The following FMNL2 variants were observed in gnomAD, a reference collection of about 807,000 sequenced individuals.
FMNL2 encodes the protein formin-like protein 2.
Under a neutral mutation model 130.2 loss-of-function variants are expected in FMNL2, and 51 were observed. That is an observed-to-expected ratio of 0.39 (90% confidence interval 0.31 to 0.49). The LOEUF (loss-of-function observed/expected upper bound fraction) is 0.49. Among genes scored for constraint, FMNL2 ranks in the 20% least tolerant of loss-of-function variants. The probability of loss-of-function intolerance (pLI) is 0.85; values close to 1 mark genes in which losing one functional copy is unlikely to be tolerated. For missense variants in FMNL2, 977 were observed against 1,316.2 expected, an observed-to-expected ratio of 0.74 and a Z score of 3.99; for synonymous variants, 465 against 467.1, an observed-to-expected ratio of 1.00 and a Z score of 0.06.
At chr2:152,515,349 T>G (rs1692709223) in intron 1 of FMNL2, among the ~76,000 whole-genome samples, 1 of 152,196 alleles carries the variant, frequency 6.6e-6, no homozygotes. Flanking sequence ...GATTTGTTAT[T>G]TGGCAGAGTT....
intron 1 of FMNL2, among the ~76,000 whole-genome samples, chr2:152,490,085 T>C (rs1691060124): frequency 6.6e-6 from 1 of 152,206 alleles, no homozygotes; most frequent in Non-Finnish European, 1.5e-5. Flanking sequence ...GAAAAACAGA[T>C]GCTGCATCTC....
chr2:152,523,028 A>G (rs907659414), intron 2 of FMNL2, among the ~76,000 whole-genome samples: 1 of 152,218 alleles, frequency 6.6e-6, no homozygotes, highest in Non-Finnish European at 1.5e-5. Flanking sequence ...GCACGCAAAT[A>G]TTAATACAAA....
In FMNL2 at chr2:152,629,915, C is replaced by G; in HGVS notation, c.2550+10C>G. 1 of 1,596,768 alleles carries G rather than the reference C, an allele frequency of 6.3e-7. No homozygotes were observed. The highest frequency in any genetic ancestry group is 8.5e-7 in the Non-Finnish European group (1 of 1,171,134). On this transcript the variant is annotated intron_variant, in intron 20 of 25. Coordinates refer to ENST00000288670, the MANE Select transcript of FMNL2 (RefSeq NM_052905.4). The stretch of plus-strand genomic sequence containing the variant: ...TCAGAGTTTAGATCTGGTGAGTGGA[C>G]TAAAAGAAATTTGAGAGCTGTTTGA...
intron 1 of FMNL2, among the ~76,000 whole-genome samples, chr2:152,449,445 C>A (rs1688518292): frequency 6.6e-6 from 1 of 152,078 alleles, no homozygotes; most frequent in African/African-American, 2.4e-5. Context: ...CTGACCTCTC[C>A]CCTTAAAATA....
At chr2:152,614,736 C>G in intron 11 of FMNL2, 115 bp from the exon 12 acceptor site, 2 of 716,276 alleles carry the variant, frequency 2.8e-6, no homozygotes, top group Non-Finnish European at 3.9e-6. Flanking sequence ...GAGTGAAACT[C>G]CATCTCAAAA....
intron 1 of FMNL2, among the ~76,000 whole-genome samples, chr2:152,454,084 G>A (rs933476975): frequency 1.3e-5 from 2 of 152,042 alleles, no homozygotes; most frequent in Non-Finnish European, 2.9e-5. Context: ...GACCAGCCTG[G>A]CCAACATGGT....
intron 2 of FMNL2, among the ~76,000 whole-genome samples, chr2:152,526,842 G>T (rs1296585726): frequency 1.3e-5 from 2 of 151,760 alleles, no homozygotes; most frequent in South Asian, 2.1e-4. Flanking sequence ...AAAAAAATCG[G>T]TATGCACCTT....
intron 1 of FMNL2, among the ~76,000 whole-genome samples, chr2:152,409,392 C>T (rs114085907): frequency 6.6e-6 from 1 of 152,142 alleles, no homozygotes; most frequent in Non-Finnish European, 1.5e-5. Flanking sequence ...ATCATGGTCT[C>T]TGCTGTGGGT....
At chr2:152,611,432 G>A (rs1421957884) in intron 10 of FMNL2, 63 bp from the exon 11 acceptor site, 1 of 817,074 alleles carries the variant, frequency 1.2e-6, no homozygotes, top group Non-Finnish European at 2.0e-6. Flanking sequence ...GAAAGCACAT[G>A]TCTGCAGTTA....
intron 1 of FMNL2, among the ~76,000 whole-genome samples, chr2:152,380,492 A>G (rs918044810): frequency 3.9e-5 from 6 of 152,200 alleles, no homozygotes; most frequent in African/African-American, 7.2e-5. Flanking sequence ...ATGTTTCACA[A>G]TTTTGGCACT....
At chr2:152,533,546 CTTTTTTT>C (rs35382323) in intron 2 of FMNL2, among the ~76,000 whole-genome samples, 3 of 115,322 alleles carry the variant, frequency 2.6e-5, no homozygotes, top group South Asian at 2.9e-4. Flanking sequence ...AATTCTCCAA[CTTTTTTT>C]TTTTTTTTTT....
intron 6 of FMNL2, among the ~76,000 whole-genome samples, chr2:152,572,332 G>T (rs955487187): frequency 6.6e-6 from 1 of 152,002 alleles, no homozygotes. Context: ...CCAACTTTGG[G>T]GCTTAAAAAA....
chr2:152,558,102 A>G lies in FMNL2; in HGVS notation c.360-638A>G, dbSNP rs183314707. Among the ~76,000 whole-genome samples the G allele has an allele frequency of 1.4e-3, 214 of 152,348 alleles. 2 individuals are homozygous for G. Among genetic ancestry groups the G allele is most frequent in the Admixed American group, 2.5e-3 (39 of 15,304 alleles). ...CAAATGCAAGGAGGTATTATTTAAA[A>G]ATGAATTTTTTAAAAAACCTGATAT... On this transcript the variant is annotated intron_variant, in intron 4 of 25. Transcript: ENST00000288670.
At chr2:152,456,887 A>G (rs913313188) in intron 1 of FMNL2, among the ~76,000 whole-genome samples, 15 of 148,944 alleles carry the variant, frequency 1.0e-4, no homozygotes, top group African/African-American at 3.7e-4. Flanking sequence ...GCAGTGAGCC[A>G]AGATTGCGCC....
At chr2:152,592,059 C>T (rs578076696) in intron 9 of FMNL2, among the ~76,000 whole-genome samples, 25 of 152,220 alleles carry the variant, frequency 1.6e-4, no homozygotes, top group African/African-American at 5.1e-4. Context: ...GCCTAGATCG[C>T]GCCACTGCAC....
intron 1 of FMNL2, among the ~76,000 whole-genome samples, chr2:152,476,337 T>C (rs1000528071): frequency 1.1e-4 from 16 of 152,352 alleles, no homozygotes; most frequent in African/African-American, 3.6e-4. Context: ...ATGTTTGGTT[T>C]CTATTTATTG....
intron 1 of FMNL2, among the ~76,000 whole-genome samples, chr2:152,363,237 C>A (rs1387096425): frequency 2.6e-5 from 4 of 152,212 alleles, no homozygotes; most frequent in African/African-American, 9.7e-5. Context: ...AAATAATCCC[C>A]AAATAATCAC....
At chr2:152,379,822 T>C (rs1330359725) in intron 1 of FMNL2, among the ~76,000 whole-genome samples, 1 of 152,218 alleles carries the variant, frequency 6.6e-6, no homozygotes, top group Non-Finnish European at 1.5e-5. Context: ...TTCAAAATTT[T>C]AAGTTAACTT....
chr2:152,482,171 C>A lies in FMNL2; in HGVS notation c.118-39772C>A, dbSNP rs533304709. Among the ~76,000 whole-genome samples, 14 of 152,152 alleles carry A rather than the reference C, an allele frequency of 9.2e-5. No homozygotes were observed. In the East Asian group the frequency reaches 2.5e-3, roughly 27 times the overall value. On this transcript the variant is annotated intron_variant, in intron 1 of 25. Transcript: ENST00000288670. ...AAGTTTCAAATTCCTAAATGAAAAC[C>A]AAGTTTTCCAAGGAAGAAATACAAA...
Sources: allele counts gnomAD v4.1 joint callset (sites outside exome capture counted in the v4.1 genomes callset), GRCh38; gene constraint gnomAD v4.1.1; transcripts MANE v1.5; gene names NCBI Gene and HGNC (gene_info 2026-07-23, HGNC 2026-07-21).